MAD1L1: variants seen among roughly 807,000 people sequenced by gnomAD.
The protein encoded by MAD1L1 is mitotic spindle assembly checkpoint protein MAD1.
In MAD1L1, 95 loss-of-function variants were observed where a neutral mutation model predicts 96.9. The observed-to-expected ratio is 0.98, with a 90% CI of 0.83 to 1.16. MAD1L1 has a LOEUF of 1.16. Ranked by LOEUF, MAD1L1 falls within the 50% of genes most tolerant of loss-of-function variation. MAD1L1 has a pLI of 0.00. For missense variants in MAD1L1, 1,007 were observed against 954.4 expected, an observed-to-expected ratio of 1.06 and a Z score of -0.73; for synonymous variants, 473 against 396.6, an observed-to-expected ratio of 1.19 and a Z score of -2.29.
At chr7:1,911,140 G>A (rs541319551) in intron 17 of MAD1L1, among the ~76,000 whole-genome samples, 9 of 152,074 alleles carry the variant, frequency 5.9e-5, no homozygotes, top group Non-Finnish European at 7.4e-5. Flanking sequence ...TCCATCCCCC[G>A]CACCCCTTGA....
At chr7:1,879,370 G>A (rs541150939) in intron 18 of MAD1L1, among the ~76,000 whole-genome samples, 16 of 151,224 alleles carry the variant, frequency 1.1e-4, no homozygotes, top group South Asian at 4.2e-4. Context: ...CAGGAGAATC[G>A]CTTGAACCTG....
intron 13 of MAD1L1, among the ~76,000 whole-genome samples, chr7:2,005,508 A>G (rs1781994783): frequency 6.6e-6 from 1 of 152,214 alleles, no homozygotes; most frequent in Admixed American, 6.5e-5. Context: ...TACCATAAAG[A>G]GAAATGGTTT....
intron 4 of MAD1L1, among the ~76,000 whole-genome samples, chr7:2,224,611 GC>G (rs1418282221): frequency 6.6e-6 from 1 of 152,160 alleles, no homozygotes; most frequent in Non-Finnish European, 1.5e-5. Flanking sequence ...TGATGTCAGG[GC>G]GGGGCTGGAC....
At chr7:2,202,727 TG>T (rs1792379041) in intron 10 of MAD1L1, among the ~76,000 whole-genome samples, 1 of 152,188 alleles carries the variant, frequency 6.6e-6, no homozygotes, top group Non-Finnish European at 1.5e-5. Context: ...CGTCTGGTAT[TG>T]ATCAACTCAA....
chr7:1,910,437 G>C (rs1787942105), intron 17 of MAD1L1, among the ~76,000 whole-genome samples: 1 of 152,246 alleles, frequency 6.6e-6, no homozygotes, highest in Non-Finnish European at 1.5e-5. Flanking sequence ...CGTCAGCACA[G>C]GGCCACCTCT....
At chr7:2,060,212 A>G (rs570875923) in intron 12 of MAD1L1, among the ~76,000 whole-genome samples, 17 of 139,434 alleles carry the variant, frequency 1.2e-4, no homozygotes, top group South Asian at 9.4e-4. Flanking sequence ...CGCAGATGCC[A>G]AGTTACGCCG....
chr7:1,965,978 C>T (rs565631016), intron 15 of MAD1L1, among the ~76,000 whole-genome samples: 24 of 152,356 alleles, frequency 1.6e-4, no homozygotes, highest in African/African-American at 5.0e-4. Context: ...CTGGGTCGGC[C>T]CATGCCTGGG....
chr7:1,856,781 A>G (rs1784280202), intron 18 of MAD1L1, among the ~76,000 whole-genome samples: 1 of 152,114 alleles, frequency 6.6e-6, no homozygotes, highest in African/African-American at 2.4e-5. Context: ...TTCCACACGT[A>G]ACCCAACCCT....
intron 18 of MAD1L1, among the ~76,000 whole-genome samples, chr7:1,871,366 GCC>G (rs1785083823): frequency 1.6e-5 from 2 of 126,310 alleles, no homozygotes; most frequent in Admixed American, 1.7e-4. Flanking sequence ...CCCAACATAT[GCC>G]TGCCACGCTG....
At chr7:1,863,409 C>T (rs938141444) in intron 18 of MAD1L1, among the ~76,000 whole-genome samples, 1 of 152,194 alleles carries the variant, frequency 6.6e-6, no homozygotes, top group African/African-American at 2.4e-5. Flanking sequence ...AAGGCCTGGG[C>T]GGGGAGACCT....
At chr7:2,191,707 G>A (rs901544665) in intron 10 of MAD1L1, among the ~76,000 whole-genome samples, 22 of 151,962 alleles carry the variant, frequency 1.4e-4, no homozygotes, top group African/African-American at 5.1e-4. Context: ...CTCCAGCCTG[G>A]GCCACAAAGC....
intron 18 of MAD1L1, chr7:1,829,615 T>G (rs1431653416): frequency 6.7e-6 from 1 of 150,102 alleles, no homozygotes; most frequent in African/African-American, 2.5e-5. Flanking sequence ...TTGCCAGTGG[T>G]GGGGACAGCA....
chr7:2,028,686 G>T (rs1783090602), intron 12 of MAD1L1, among the ~76,000 whole-genome samples: 1 of 152,058 alleles, frequency 6.6e-6, no homozygotes, highest in South Asian at 2.1e-4. Context: ...ACATTCTCAG[G>T]AATTGAAACT....
chr7:1,830,530 T>C (rs1417448166), intron 18 of MAD1L1, among the ~76,000 whole-genome samples: 1 of 152,256 alleles, frequency 6.6e-6, no homozygotes, highest in East Asian at 1.9e-4. Flanking sequence ...ATTATTTACA[T>C]CTCTTTCAAA....
chr7:2,152,223 GC>G (rs1168805296), intron 10 of MAD1L1, among the ~76,000 whole-genome samples: 1 of 152,192 alleles, frequency 6.6e-6, no homozygotes, highest in Non-Finnish European at 1.5e-5. Flanking sequence ...ACATCCCTAG[GC>G]CCCCAGATCC....
chr7:1,891,696 T>A (rs1418617527), intron 18 of MAD1L1, among the ~76,000 whole-genome samples: 1 of 152,124 alleles, frequency 6.6e-6, no homozygotes, highest in African/African-American at 2.4e-5. Context: ...TTCTCCCGCC[T>A]CAGCCTCTGG....
At chr7:1,821,181 ATAC>A (rs1182683101) in intron 18 of MAD1L1, among the ~76,000 whole-genome samples, 20 of 152,250 alleles carry the variant, frequency 1.3e-4, no homozygotes, top group African/African-American at 4.1e-4. Flanking sequence ...ACAATAAAAA[ATAC>A]TACAACAAAA....
At chr7:2,086,705 C>T (rs769941502) in intron 11 of MAD1L1, among the ~76,000 whole-genome samples, 13 of 152,336 alleles carry the variant, frequency 8.5e-5, no homozygotes, top group Non-Finnish European at 1.5e-4. Flanking sequence ...TTGCCTGCCA[C>T]CACACCCAGC....
At chr7:2,121,101 C>A (rs1472782478) in intron 11 of MAD1L1, among the ~76,000 whole-genome samples, 2 of 152,184 alleles carry the variant, frequency 1.3e-5, no homozygotes, top group South Asian at 2.1e-4. Flanking sequence ...CCGGCGCAGG[C>A]TCCCAGGGCA....
Sources: gnomAD v4.1 joint callset for allele counts (sites outside exome capture counted in the v4.1 genomes callset) on GRCh38, gnomAD v4.1.1 for gene constraint, MANE v1.5 for transcripts, NCBI Gene and HGNC (gene_info 2026-07-23, HGNC 2026-07-21) for gene names.